Variants in EP400 observed in about 807,000 individuals in gnomAD.
EP400 encodes the protein E1A binding protein p400, also known as E1A-binding protein p400.
Under a neutral mutation model 354.1 loss-of-function variants are expected in EP400, and 105 were observed. The ratio of observed to expected loss-of-function variants is 0.30; its 90% CI spans 0.25 to 0.35. The LOEUF (loss-of-function observed/expected upper bound fraction) is 0.35. Among genes scored for constraint, EP400 ranks in the 10% least tolerant of loss-of-function variants. The probability of loss-of-function intolerance (pLI) is 1.00; values close to 1 mark genes in which losing one functional copy is unlikely to be tolerated. For missense variants in EP400, 3,280 were observed against 4,121.0 expected, an observed-to-expected ratio of 0.80 and a Z score of 5.59; for synonymous variants, 1,646 against 1,716.9, an observed-to-expected ratio of 0.96 and a Z score of 1.02.
chr12:132,029,945 C>A lies in EP400; in HGVS notation c.5584+42C>A. ...GGCGTGGCCCGTGCGGGAGCTGCACCGGCCCTGGATGATGAGGCGCTCTTG... is the reference window on the plus strand; with the variant it reads ...GGCGTGGCCCGTGCGGGAGCTGCACAGGCCCTGGATGATGAGGCGCTCTTG... On this transcript the variant is annotated intron_variant, in intron 28 of 52. Coordinates refer to ENST00000389561, the MANE Select transcript of EP400 (RefSeq NM_015409.5). This position sits in a 1 kb window ranked among gnomAD's most constrained non-coding sequence, Gnocchi z 4.7. 6.2e-7 allele frequency: 1 copy of A among 1,611,622 alleles called. No individual in the cohort carries two copies. The highest frequency in any genetic ancestry group is 8.5e-7 in the Non-Finnish European group (1 of 1,179,436).
rs569867221 is a variant in EP400, at chr12:132,017,919, C to T, written c.4110+198C>T. Among the ~76,000 whole-genome samples, 4 of 152,316 alleles carry T rather than the reference C, an allele frequency of 2.6e-5. No homozygotes were observed. The highest frequency in any genetic ancestry group is 3.9e-4 in the East Asian group (2 of 5,184). ...AGTGTTCCACCTCCGGAAATTTACC[C>T]GAGGGAGACAGGCTCACAGAGTGGA... On this transcript the variant is annotated intron_variant, in intron 20 of 52. Transcript: ENST00000389561. This position sits in a 1 kb window ranked among gnomAD's most constrained non-coding sequence, Gnocchi z 5.0.
Position 132,066,844 on chromosome 12 carries a change from T to C in EP400, c.8624T>C (p.Val2875Ala). 6.2e-7 allele frequency: 1 copy of C among 1,614,018 alleles called. No individual in the cohort carries two copies. The highest frequency in any genetic ancestry group is 2.2e-5 in the East Asian group (1 of 44,866). ...ACCCAGGCACCCCAGCCAGCCCAGG[T>C]GGCCTTGGCGAAGCCTCCGGTGGTG... is the stretch of plus-strand genomic sequence containing the variant. The part of the protein sequence containing the change: ...MQTQAPQPAQ[V>A]ALAKPPVVSV... Residue 2875 changes from valine (V) to alanine (A), a missense_variant, in exon 49 of 53, where the codon GTG (valine) becomes GCG (alanine). Transcript: ENST00000389561.
chr12:131,996,823 T>C (rs1251931069), intron 12 of EP400, among the ~76,000 whole-genome samples: 3 of 152,218 alleles, frequency 2.0e-5, no homozygotes, highest in Admixed American at 2.0e-4. Flanking sequence ...TTTTCTTTCC[T>C]TATTGACTTG....
chr12:132,065,127 G>T (rs528173403), intron 48 of EP400: 6 of 718,492 alleles, frequency 8.4e-6, no homozygotes, highest in South Asian at 4.0e-5. Context: ...TTGAATTGAG[G>T]GGGGTGGAGA....
At chr12:132,053,250 G>C (rs1895365027) in intron 42 of EP400, 26 bp downstream of exon 42, 4 of 1,612,728 alleles carry the variant, frequency 2.5e-6, no homozygotes, top group Non-Finnish European at 3.4e-6. Context: ...CCTTCTGCTT[G>C]AGTGGGAAAA....
At chr12:132,000,797 C>A (rs1435872896) in intron 12 of EP400, among the ~76,000 whole-genome samples, 1 of 152,150 alleles carries the variant, frequency 6.6e-6, no homozygotes, top group East Asian at 1.9e-4. Flanking sequence ...ATTCCAGTTA[C>A]CAGTTTGTTT....
chr12:132,000,716 C>G (rs976964061), intron 12 of EP400, among the ~76,000 whole-genome samples: 2 of 152,162 alleles, frequency 1.3e-5, no homozygotes, highest in Non-Finnish European at 2.9e-5. Context: ...TTTATCACAT[C>G]TGTGTTCTAT....
At chr12:132,071,539 TC>T (rs1292660194) in intron 51 of EP400, among the ~76,000 whole-genome samples, 1 of 152,228 alleles carries the variant, frequency 6.6e-6, no homozygotes, top group Non-Finnish European at 1.5e-5. Flanking sequence ...GTGCTTGACT[TC>T]CAGAAGAGAC....
At chr12:132,008,281 G>A (rs962259930) in intron 15 of EP400, among the ~76,000 whole-genome samples, 1 of 152,164 alleles carries the variant, frequency 6.6e-6, no homozygotes, top group South Asian at 2.1e-4. Flanking sequence ...CTTCTAAGCT[G>A]TTTGCATAGT....
At chr12:131,953,592 A>C (rs1271388512) in intron 1 of EP400, among the ~76,000 whole-genome samples, 1 of 152,232 alleles carries the variant, frequency 6.6e-6, no homozygotes, top group African/African-American at 2.4e-5. Context: ...TTTCAAATTC[A>C]GTTTAGCCCA....
chr12:131,979,922 T>C, intron 3 of EP400, 129 bp downstream of exon 3: 4 of 647,468 alleles, frequency 6.2e-6, no homozygotes. Flanking sequence ...AATTAACCTG[T>C]CTTACAGTGA....
intron 30 of EP400, among the ~76,000 whole-genome samples, chr12:132,034,385 C>A (rs1453111410): frequency 1.3e-5 from 2 of 152,200 alleles, no homozygotes; most frequent in Non-Finnish European, 2.9e-5. Context: ...CATTCATGAA[C>A]ATGTGAAGTT....
chr12:131,978,467 C>T (rs1174089741), intron 2 of EP400, among the ~76,000 whole-genome samples: 1 of 152,188 alleles, frequency 6.6e-6, no homozygotes, highest in Non-Finnish European at 1.5e-5. Context: ...CAAGACATCA[C>T]AGAGTTAGGA....
In EP400 at chr12:132,044,802, C is replaced by G. The variant is rs761980290; in HGVS notation, c.6633C>G (p.Leu2211=). 4 of 1,614,100 alleles carry G rather than the reference C, an allele frequency of 2.5e-6. No homozygotes were observed. The highest frequency in any genetic ancestry group is 3.4e-6 in the Non-Finnish European group (4 of 1,179,998). The change falls in exon 37 of 53, where the codon CTC becomes CTG. Residue 2211 remains leucine, a splice_region_variant and synonymous_variant. Coordinates refer to ENST00000389561, the MANE Select transcript of EP400 (RefSeq NM_015409.5). ...DVDGQTEVMP[L]WTPPTPPQDD... ...TGGGCCTTCCCTTCTCCATGCAGCTCTGGACCCCACCCACCCCGCCGCAGG... is the reference window on the plus strand; with the variant it reads ...TGGGCCTTCCCTTCTCCATGCAGCTGTGGACCCCACCCACCCCGCCGCAGG...
At chr12:132,077,208 C>T (rs540901590) in intron 52 of EP400, among the ~76,000 whole-genome samples, 193 bp from the exon 53 acceptor site, 4 of 152,326 alleles carry the variant, frequency 2.6e-5, no homozygotes, top group Admixed American at 6.5e-5. Flanking sequence ...TAAAAGCAAC[C>T]ATCTTTTAAT....
rs1894761961 is a variant in EP400 at position 132,037,625 on chromosome 12, C to T, written c.5952-57C>T. On this transcript the variant is annotated intron_variant, in intron 30 of 52. Coordinates refer to ENST00000389561, the MANE Select transcript of EP400 (RefSeq NM_015409.5). ...ATCACCATCTGCATGCTGTGCCCAC[C>T]TGTTGTCACTGTGTTTCCTGGTGAC... 2.9e-6 allele frequency: 4 copies of T among 1,377,760 alleles called. No individual in the cohort carries two copies. The East Asian group carries it at 6.9e-5, about 24-fold the overall frequency. 85.3% of individuals were successfully genotyped at this position (1,377,760 alleles called of 1,614,324 possible).
intron 39 of EP400, among the ~76,000 whole-genome samples, chr12:132,049,191 C>T (rs1895213293): frequency 6.6e-6 from 1 of 152,232 alleles, no homozygotes; most frequent in African/African-American, 2.4e-5. Flanking sequence ...GCGGGGCATT[C>T]ATGCCTGGTT....
chr12:132,010,813 G>A (rs1460454198), intron 15 of EP400, among the ~76,000 whole-genome samples: 2 of 152,250 alleles, frequency 1.3e-5, no homozygotes, highest in South Asian at 2.1e-4. Flanking sequence ...ATGATGGCGT[G>A]TGCCTGTAAT....
chr12:131,950,053 G>T lies in EP400; in HGVS notation c.-36+17G>T, dbSNP rs1405028556. ...AGGCCCAGGGTAAGTGAGGGCGGAG[G>T]CGCGGGACGGGGGCGGGAGGCTCTC... On this transcript the variant is annotated intron_variant, in intron 1 of 52. Coordinates refer to ENST00000389561, the MANE Select transcript of EP400 (RefSeq NM_015409.5). 6.6e-6 allele frequency: 1 copy of T among 151,856 alleles called. No homozygotes were observed. The highest frequency in any genetic ancestry group is 6.6e-5 in the Admixed American group (1 of 15,226). The allele number at this position is 151,856 out of a possible 1,614,324, so 9.4% of individuals were successfully genotyped here. A position where few individuals can be genotyped will look rare whatever the true frequency, so the allele number is the denominator to read the frequency against.
Sources: allele counts gnomAD v4.1 joint callset (sites outside exome capture counted in the v4.1 genomes callset), GRCh38; gene constraint gnomAD v4.1.1; non-coding constraint Gnocchi (gnomAD v3.1); transcripts MANE v1.5; gene names NCBI Gene and HGNC (gene_info 2026-07-23, HGNC 2026-07-21).